NSUN2: variants seen among roughly 807,000 people sequenced by gnomAD.
NSUN2 encodes the protein RNA cytosine C(5)-methyltransferase NSUN2.
A neutral mutation model predicts 92.7 loss-of-function variants in NSUN2; 63 were observed. That is an observed-to-expected ratio of 0.68 (90% CI 0.56 to 0.84). The LOEUF (loss-of-function observed/expected upper bound fraction) is 0.84. Ranked by LOEUF, NSUN2 falls within the 40% of genes least tolerant of loss-of-function variation. NSUN2 has a pLI of 0.00. For missense variants in NSUN2, 989 were observed against 964.9 expected, an observed-to-expected ratio of 1.02 and a Z score of -0.33; for synonymous variants, 356 against 348.3, an observed-to-expected ratio of 1.02 and a Z score of -0.25.
rs534701878 is a variant in NSUN2 at position 6,599,931 on chromosome 5, G to A, written c.2299C>T (p.Arg767Trp). The A allele has an allele frequency of 1.6e-5, 26 of 1,612,330 alleles. No individual in the cohort carries two copies. Among genetic ancestry groups the A allele is most frequent in the African/African-American group, 4.0e-5 (3 of 74,886 alleles). Residue 767 changes from arginine (R) to tryptophan (W), a missense_variant, in exon 19 of 19, where the codon CGG (arginine) becomes TGG (tryptophan). By Grantham distance (101) the Arg-to-Trp change is moderately radical (BLOSUM62 -3). Coordinates refer to ENST00000264670, the MANE Select transcript of NSUN2 (RefSeq NM_017755.6). ...CCCCGCTGCCTTGGGCCTGCTCACCGGGGTGGATGGACCCCCGCCGGGTCA... is the reference window on the plus strand; with the variant it reads ...CCCCGCTGCCTTGGGCCTGCTCACCAGGGTGGATGGACCCCCGCCGGGTCA... ...GCDPAGVHPP[R>W]
intron 4 of NSUN2, among the ~76,000 whole-genome samples, chr5:6,624,270 T>C (rs1737567249): frequency 6.6e-6 from 1 of 152,206 alleles, no homozygotes; most frequent in South Asian, 2.1e-4. Context: ...TTAAGTAAGA[T>C]GGGGACATCC....
intron 5 of NSUN2, 86 bp downstream of exon 5, chr5:6,623,128 T>C: frequency 1.8e-6 from 2 of 1,121,388 alleles, no homozygotes; most frequent in Non-Finnish European, 2.6e-6. Flanking sequence ...CTAATTATAT[T>C]AAGAAAAAAT....
rs1201423028 is a variant in NSUN2 at position 6,617,954 on chromosome 5, G to A, written c.886C>T (p.His296Tyr). 8 of 1,612,016 alleles carry A rather than the reference G, an allele frequency of 5.0e-6. No individual in the cohort carries two copies. Among genetic ancestry groups the A allele is most frequent in the African/African-American group, 1.3e-5 (1 of 74,898 alleles). Residue 296 changes from histidine to tyrosine, a missense_variant, in exon 8 of 19, where the codon CAT becomes TAT. This residue lies in a region of NSUN2 where 626 missense variants were observed against 602.3 expected (regional missense o/e 1.04). Coordinates refer to ENST00000264670, the MANE Select transcript of NSUN2 (RefSeq NM_017755.6). ...CAGTGATGAAGTTTTACTTACCCAT[G>A]TAGCTGCAAGCTATTTAAGGTGGTC... ...KWTTLNSLQL[H>Y]GLQLRIATRG...
intron 5 of NSUN2, 115 bp downstream of exon 5, chr5:6,623,099 G>T: frequency 1.3e-6 from 1 of 743,064 alleles, no homozygotes; most frequent in Non-Finnish European, 2.1e-6. Flanking sequence ...TATCCAAAGT[G>T]AAAAGAAGAA....
chr5:6,632,809 CGCCGCCTCGCA>C (rs1364406627), intron 1 of NSUN2, 53 bp from the exon 2 acceptor site: 9 of 1,579,946 alleles, frequency 5.7e-6, no homozygotes, highest in Admixed American at 1.8e-5. Flanking sequence ...GCCCCCTCGC[CGCCGCCTCGCA>C]GGCCTCGGGG....
chr5:6,623,389 A>T, intron 4 of NSUN2, 104 bp from the exon 5 acceptor site: 2 of 907,818 alleles, frequency 2.2e-6, no homozygotes, highest in East Asian at 2.6e-5. Context: ...AACAGCACAT[A>T]ATCTTATACA....
chr5:6,605,451 A>C, intron 14 of NSUN2, 43 bp from the exon 15 acceptor site: 1 of 1,598,588 alleles, frequency 6.3e-7, no homozygotes, highest in Middle Eastern at 1.7e-4. Context: ...TGAGTTCAAA[A>C]TCTGGTAGAC....
intron 4 of NSUN2, among the ~76,000 whole-genome samples, chr5:6,625,163 A>G (rs947567088): frequency 6.6e-6 from 1 of 152,162 alleles, no homozygotes; most frequent in African/African-American, 2.4e-5. Flanking sequence ...AAATAAATCA[A>G]TTTTAAAAAA....
intron 6 of NSUN2, 46 bp downstream of exon 6, chr5:6,621,970 G>T: frequency 6.7e-7 from 1 of 1,490,674 alleles, no homozygotes; most frequent in Non-Finnish European, 9.4e-7. Context: ...TCTACAATCT[G>T]CCAAAGTGGC....
chr5:6,602,737 G>A (rs891096885), intron 17 of NSUN2, among the ~76,000 whole-genome samples: 20 of 152,202 alleles, frequency 1.3e-4, no homozygotes, highest in African/African-American at 4.3e-4. Context: ...GCCATTCAGG[G>A]ACTTCAAGGG....
At chr5:6,610,342 G>A (rs1415344778) in intron 11 of NSUN2, among the ~76,000 whole-genome samples, 1 of 151,804 alleles carries the variant, frequency 6.6e-6, no homozygotes, top group Non-Finnish European at 1.5e-5. Flanking sequence ...CTCCCAAAGT[G>A]CTGGGGATTA....
chr5:6,632,686 T>C lies in NSUN2; in HGVS notation c.167A>G (p.Lys56Arg), dbSNP rs780290887. The change falls in exon 2 of 19, where the codon AAG becomes AGG. Residue 56 changes from lysine (K) to arginine (R), a missense_variant. Transcript: ENST00000264670. ...GCCCCACTCGCCCTCGGGCACGATCTTGAGCTCCTGGTAGTAGTGCTCGAA... is the reference window on the plus strand; with the variant it reads ...GCCCCACTCGCCCTCGGGCACGATCCTGAGCTCCTGGTAGTAGTGCTCGAA... ...KLFEHYYQEL[K>R]IVPEGEWGQF... 6 of 1,614,132 alleles carry C rather than the reference T, an allele frequency of 3.7e-6. No individual in the cohort carries two copies. In the Admixed American group the frequency reaches 6.7e-5, roughly 18 times the overall value.
rs752122534 is a variant in NSUN2, at chr5:6,611,007, T to C, written c.1174A>G (p.Met392Val). 13 of 1,614,052 alleles carry C rather than the reference T, an allele frequency of 8.1e-6. No individual in the cohort carries two copies. The highest frequency in any genetic ancestry group is 4.0e-5 in the African/African-American group (3 of 74,920). The change falls in exon 11 of 19, where the codon ATG (methionine) becomes GTG (valine). Residue 392 changes from methionine to valine, a missense_variant. Transcript: ENST00000264670. ...TTTTCTGGGTCCTTCGGAGGGAACATGGTAGGTCGGATCTGGGTGTGTCTG... is the reference window on the plus strand; with the variant it reads ...TTTTCTGGGTCCTTCGGAGGGAACACGGTAGGTCGGATCTGGGTGTGTCTG... The part of the protein sequence containing the change: ...HSRHTQIRPT[M>V]FPPKDPEKLQ...
At chr5:6,622,298 A>G (rs62348979) in intron 5 of NSUN2, among the ~76,000 whole-genome samples, 198 bp from the exon 6 acceptor site, 58 of 152,336 alleles carry the variant, frequency 3.8e-4, no homozygotes, top group Non-Finnish European at 7.9e-4. Context: ...ACAGTCTCCA[A>G]AGAGGATGGG....
rs150453790 is a variant in NSUN2 at position 6,601,495 on chromosome 5, GC to G, written c.1997+965del. 4.8e-3 allele frequency among the ~76,000 whole-genome samples: 730 copies of G among 152,026 alleles called. 6 individuals are homozygous for G. Among genetic ancestry groups the G allele is most frequent in the Middle Eastern group, 0.017 (5 of 294 alleles). ...TCTGTTGTTCCCTCACCAAGTTCCTGCCCCTCCCACCTCAGCCCCCACCTGT... is the reference window on the plus strand; with the variant it reads ...TCTGTTGTTCCCTCACCAAGTTCCTGCCCTCCCACCTCAGCCCCCACCTGT... On this transcript the variant is annotated intron_variant, in intron 18 of 18. Transcript: ENST00000264670.
chr5:6,624,819 G>A (rs1162976136), intron 4 of NSUN2, among the ~76,000 whole-genome samples: 1 of 152,046 alleles, frequency 6.6e-6, no homozygotes, highest in Non-Finnish European at 1.5e-5. Flanking sequence ...TAGAAAATAG[G>A]AAGGACGAAA....
chr5:6,629,533 C>T (rs932555768), intron 3 of NSUN2, among the ~76,000 whole-genome samples: 8 of 152,314 alleles, frequency 5.3e-5, no homozygotes, highest in South Asian at 4.1e-4. Context: ...CCCGTCTCTG[C>T]GCTTCTAAAC....
chr5:6,617,964 G>A lies in NSUN2; in HGVS notation c.876C>T (p.Ser292=). Residue 292 remains serine, a synonymous_variant, in exon 8 of 19, where the codon AGC becomes AGT. Transcript: ENST00000264670. ...GTTTTACTTACCCATGTAGCTGCAA[G>A]CTATTTAAGGTGGTCCACTTTTTCC... ...DVWKKWTTLN[S]LQLHGLQLRI... is the part of the protein sequence containing the mutation. 1 of 1,613,138 alleles carries A rather than the reference G, an allele frequency of 6.2e-7. No individual in the cohort carries two copies. Among genetic ancestry groups the A allele is most frequent in the Non-Finnish European group, 8.5e-7 (1 of 1,179,256 alleles).
Position 6,618,011 on chromosome 5 carries a change from T to C in NSUN2, c.829A>G (p.Met277Val), listed in dbSNP as rs930847663. 36 of 1,613,340 alleles carry C rather than the reference T, an allele frequency of 2.2e-5. No individual in the cohort carries two copies. The highest frequency in any genetic ancestry group is 4.0e-5 in the African/African-American group (3 of 74,910). ...CDVPCSGDGT[M>V]RKNIDVWKKW... ...TTCCAAACATCAATGTTTTTTCTCA[T>C]AGTGCCGTCTCCACTGGAAAAAAGA... Residue 277 changes from methionine (M) to valine (V), a missense_variant, in exon 8 of 19, where the codon ATG (methionine) becomes GTG (valine). This residue lies in a region of NSUN2 where 7 missense variants were observed against 24.1 expected (regional missense o/e 0.29). Transcript: ENST00000264670.
Sources: allele counts gnomAD v4.1 joint callset (sites outside exome capture counted in the v4.1 genomes callset), GRCh38; gene constraint gnomAD v4.1.1; regional missense constraint gnomAD v4.1.1; transcripts MANE v1.5; gene names NCBI Gene and HGNC (gene_info 2026-07-23, HGNC 2026-07-21).